ARB2A: variants seen among roughly 807,000 people sequenced by gnomAD.
ARB2A encodes ARB2 cotranscriptional regulator A.
At chr5:93,727,888 C>T in the ARB2A span, among the ~76,000 whole-genome samples, 2 of 151,942 alleles carry the variant, frequency 1.3e-5, no homozygotes, top group Non-Finnish European at 2.9e-5. Flanking sequence ...TATTCATAGC[C>T]ACTGACACCA....
the ARB2A span, among the ~76,000 whole-genome samples, chr5:93,845,158 A>C: frequency 6.6e-6 from 1 of 152,214 alleles, no homozygotes; most frequent in African/African-American, 2.4e-5. Flanking sequence ...GGGAATCTTA[A>C]GTCAGATCAT....
the ARB2A span, among the ~76,000 whole-genome samples, chr5:93,699,642 C>T: frequency 6.6e-6 from 1 of 151,928 alleles, no homozygotes; most frequent in Admixed American, 6.6e-5. Flanking sequence ...AAAAATCTGT[C>T]CTCCCCTGGA....
At chr5:93,881,829 T>C in the ARB2A span, 1 of 430,224 alleles carries the variant, frequency 2.3e-6, no homozygotes, top group African/African-American at 2.1e-5. Flanking sequence ...AAGATAATGA[T>C]TTTATTTTTT....
chr5:93,808,887 T>TTTTTAA, the ARB2A span, among the ~76,000 whole-genome samples: 6 of 152,078 alleles, frequency 3.9e-5, no homozygotes, highest in East Asian at 1.2e-3. Context: ...AGTTAAAAAA[T>TTTTTAA]CAAAATATTT....
the ARB2A span, among the ~76,000 whole-genome samples, chr5:94,083,083 C>T: frequency 4.5e-4 from 68 of 152,296 alleles, no homozygotes; most frequent in African/African-American, 1.6e-3. Context: ...AAAAGACCAC[C>T]ATCGCTTAGC....
the ARB2A span, among the ~76,000 whole-genome samples, chr5:93,883,232 A>T: frequency 6.6e-6 from 1 of 151,544 alleles, no homozygotes; most frequent in Non-Finnish European, 1.5e-5. Context: ...ATTAAGATAC[A>T]GTCATCTTAC....
At chr5:93,764,137 A>T in the ARB2A span, among the ~76,000 whole-genome samples, 1 of 152,224 alleles carries the variant, frequency 6.6e-6, no homozygotes, top group Non-Finnish European at 1.5e-5. Context: ...CAATTAAAAG[A>T]ACTAGAGAAG....
the ARB2A span, among the ~76,000 whole-genome samples, chr5:93,711,088 C>T: frequency 6.6e-6 from 1 of 152,044 alleles, no homozygotes; most frequent in Non-Finnish European, 1.5e-5. Flanking sequence ...GAAAGCATTC[C>T]TACAGCCTAA....
At chr5:93,931,235 G>A in the ARB2A span, among the ~76,000 whole-genome samples, 1 of 152,148 alleles carries the variant, frequency 6.6e-6, no homozygotes, top group Non-Finnish European at 1.5e-5. Flanking sequence ...GGAGGACGAG[G>A]TGGGCAGATC....
At chr5:93,723,658 T>C in the ARB2A span, among the ~76,000 whole-genome samples, 1 of 152,106 alleles carries the variant, frequency 6.6e-6, no homozygotes, top group Non-Finnish European at 1.5e-5. Context: ...GCTGGTGATG[T>C]CATATACAAG....
At chr5:93,634,125 G>C in the ARB2A span, among the ~76,000 whole-genome samples, 6 of 151,930 alleles carry the variant, frequency 3.9e-5, no homozygotes, top group African/African-American at 1.4e-4. Context: ...ATTCCTGGCC[G>C]GGCGCCGTGG....
the ARB2A span, among the ~76,000 whole-genome samples, chr5:94,033,161 C>G: frequency 6.6e-6 from 1 of 152,154 alleles, no homozygotes; most frequent in Non-Finnish European, 1.5e-5. Context: ...AACTGTGAGT[C>G]AATTAAACCT....
the ARB2A span, chr5:93,620,999 G>A: frequency 2.5e-6 from 4 of 1,610,950 alleles, no homozygotes; most frequent in Non-Finnish European, 3.4e-6. Context: ...ACAGCTCTTC[G>A]TGCTTGATGC....
the ARB2A span, among the ~76,000 whole-genome samples, chr5:93,698,407 TA>T: frequency 1.3e-5 from 2 of 151,990 alleles, no homozygotes; most frequent in Admixed American, 1.3e-4. Flanking sequence ...AACAAATAAC[TA>T]AAATATATAC....
chr5:93,833,272 T>C, the ARB2A span, among the ~76,000 whole-genome samples: 1 of 152,202 alleles, frequency 6.6e-6, no homozygotes, highest in Admixed American at 6.5e-5. Context: ...TTGGCAATGA[T>C]ACTGTGGACA....
the ARB2A span, among the ~76,000 whole-genome samples, chr5:93,947,974 T>C: frequency 5.3e-5 from 8 of 152,090 alleles, no homozygotes; most frequent in South Asian, 4.2e-4. Flanking sequence ...AATAAACATA[T>C]GTGTGCATGT....
the ARB2A span, among the ~76,000 whole-genome samples, chr5:93,702,211 T>C: frequency 3.9e-5 from 6 of 152,200 alleles, no homozygotes; most frequent in Non-Finnish European, 7.3e-5. Flanking sequence ...TCCGAAGATA[T>C]GTCCCTTAAA....
At chr5:93,686,838 A>C in the ARB2A span, among the ~76,000 whole-genome samples, 1 of 151,932 alleles carries the variant, frequency 6.6e-6, no homozygotes, top group South Asian at 2.1e-4. Context: ...TCCAAATGTT[A>C]TCATTTAAAA....
chr5:93,977,743 A>G, the ARB2A span, among the ~76,000 whole-genome samples: 2 of 152,222 alleles, frequency 1.3e-5, no homozygotes, highest in African/African-American at 4.8e-5. Context: ...AAGCAAATGC[A>G]ACAAAAACAA....
Sources: gnomAD v4.1 joint callset for allele counts (sites outside exome capture counted in the v4.1 genomes callset) on GRCh38, gnomAD v4.1.1 for gene constraint, MANE v1.5 for transcripts, NCBI Gene and HGNC (gene_info 2026-07-23, HGNC 2026-07-21) for gene names.